Variants in SPECC1 observed in about 807,000 individuals in gnomAD.
SPECC1 encodes cytospin-B.
SPECC1 carries 62 observed loss-of-function variants against 104.1 expected under a neutral mutation model. That is an observed-to-expected ratio of 0.60 (90% CI 0.49 to 0.74). The LOEUF (loss-of-function observed/expected upper bound fraction) is 0.74, where lower values mean the gene tolerates loss of function less well. Among genes scored for constraint, SPECC1 ranks in the 30% least tolerant of loss-of-function variants. The pLI, the probability that SPECC1 is intolerant of heterozygous loss-of-function variation, is 0.00. For missense variants in SPECC1, 1,306 were observed against 1,310.5 expected (o/e 1.00, Z 0.05); for synonymous variants, 513 against 501.6 (o/e 1.02, Z -0.30).
At position 20,034,095 on chromosome 17, in the gene SPECC1, C is replaced by CT. The variant is rs34012755; in HGVS notation, c.-22+24685dup. Among the ~76,000 whole-genome samples the CT allele has an allele frequency of 1.7e-3, 249 of 144,854 alleles. 3 individuals are homozygous for CT. In the South Asian group the frequency reaches 0.025, roughly 14 times the overall value. ...GTTTCTAAAGTAAGCGTTTGATATT[C>CT]TTTTTTTTTTTTTTCTTTTGAGACG... On this transcript the variant is annotated intron_variant, in intron 1 of 14. Transcript: ENST00000395527.
At chr17:20,235,795 G>GAAAC (rs1457300653) in intron 7 of SPECC1, among the ~76,000 whole-genome samples, 166 of 152,344 alleles carry the variant, frequency 1.1e-3, no homozygotes, top group Non-Finnish European at 1.7e-3. Context: ...CCTAATTAAT[G>GAAAC]CTGTTGGTTT....
intron 3 of SPECC1, among the ~76,000 whole-genome samples, chr17:20,178,405 G>A (rs1188138795): frequency 6.6e-6 from 1 of 152,112 alleles, no homozygotes; most frequent in Non-Finnish European, 1.5e-5. Flanking sequence ...TGATTTGTGT[G>A]GGTGCCAAGG....
chr17:20,041,662 C>T (rs1391591083), intron 1 of SPECC1, among the ~76,000 whole-genome samples: 2 of 99,834 alleles, frequency 2.0e-5, no homozygotes, highest in African/African-American at 7.3e-5. Flanking sequence ...AAGTCTTGCT[C>T]TGTTGCCCAG....
At chr17:20,090,792 T>A (rs2047371912) in intron 1 of SPECC1, among the ~76,000 whole-genome samples, 1 of 152,186 alleles carries the variant, frequency 6.6e-6, no homozygotes, top group East Asian at 1.9e-4. Flanking sequence ...GATTGTGAGC[T>A]CTTGGTCTCA....
intron 1 of SPECC1, among the ~76,000 whole-genome samples, chr17:20,047,228 G>A (rs775249876): frequency 7.2e-5 from 11 of 152,098 alleles, no homozygotes; most frequent in African/African-American, 2.7e-4. Context: ...TAAATAATGC[G>A]TGACATTCTA....
chr17:20,237,040 G>A (rs1051257734), intron 7 of SPECC1: 53 of 1,493,310 alleles, frequency 3.5e-5, no homozygotes, highest in Middle Eastern at 2.3e-4. Context: ...AGTCATTGCC[G>A]TCGAGTCTCT....
At chr17:20,285,963 A>G (rs2040930335) in intron 12 of SPECC1, among the ~76,000 whole-genome samples, 2 of 151,824 alleles carry the variant, frequency 1.3e-5, no homozygotes, top group South Asian at 2.1e-4. Flanking sequence ...ATAGGCATGC[A>G]CTATCATGCC....
chr17:20,076,580 A>G (rs1177275443), intron 1 of SPECC1, among the ~76,000 whole-genome samples: 1 of 152,196 alleles, frequency 6.6e-6, no homozygotes, highest in Non-Finnish European at 1.5e-5. Context: ...CCTGTTTTTT[A>G]AAATTAGGTT....
At chr17:20,171,294 C>T (rs2034070681) in intron 3 of SPECC1, among the ~76,000 whole-genome samples, 1 of 152,152 alleles carries the variant, frequency 6.6e-6, no homozygotes, top group African/African-American at 2.4e-5. Context: ...GTTCCTCCTG[C>T]ACAACTTCCC....
chr17:20,137,352 C>G (rs1010210226), intron 3 of SPECC1, among the ~76,000 whole-genome samples: 2 of 152,246 alleles, frequency 1.3e-5, no homozygotes, highest in Admixed American at 6.5e-5. Flanking sequence ...TGCTTAGTGT[C>G]TCTCAGCTGG....
At chr17:20,203,606 T>C (rs774016793) in intron 3 of SPECC1, among the ~76,000 whole-genome samples, 6 of 152,240 alleles carry the variant, frequency 3.9e-5, no homozygotes, top group Non-Finnish European at 8.8e-5. Flanking sequence ...GATCCATCTC[T>C]CAGTATTATC....
At position 20,185,370 on chromosome 17, in the gene SPECC1, C is replaced by T. The variant is rs142330165; in HGVS notation, c.284-18963C>T. Reference sequence around the variant, plus strand: ...AGGCTGTGCAGGCCCCTCTTGTTTGCGGGGGCACTTGTGCTTGGAGCCGTG... The same window carrying T: ...AGGCTGTGCAGGCCCCTCTTGTTTGTGGGGGCACTTGTGCTTGGAGCCGTG... On this transcript the variant is annotated intron_variant, in intron 3 of 14. Coordinates refer to ENST00000395527, the MANE Select transcript of SPECC1 (RefSeq NM_001243439.2). Among the ~76,000 whole-genome samples, 586 of 152,272 alleles carry T rather than the reference C, an allele frequency of 3.8e-3. 2 individuals are homozygous for T. Among genetic ancestry groups the T allele is most frequent in the African/African-American group, 0.012 (511 of 41,550 alleles).
At position 20,124,126 on chromosome 17, in the gene SPECC1, T is replaced by A. The variant is rs562260177; in HGVS notation, c.283+13564T>A. ...AAGGAGGAGGGCCATGAGCCAGGGATGTCAGGGAATGGGGAGAATGGGGTG... is the reference window on the plus strand; with the variant it reads ...AAGGAGGAGGGCCATGAGCCAGGGAAGTCAGGGAATGGGGAGAATGGGGTG... On this transcript the variant is annotated intron_variant, in intron 3 of 14. Transcript: ENST00000395527. Among the ~76,000 whole-genome samples the A allele has an allele frequency of 2.6e-5, 4 of 151,686 alleles. No individual in the cohort carries two copies. In the South Asian group the frequency reaches 6.3e-4, roughly 24 times the overall value.
chr17:20,035,982 A>G (rs7217387), intron 1 of SPECC1, among the ~76,000 whole-genome samples: 6 of 151,320 alleles, frequency 4.0e-5, no homozygotes, highest in Admixed American at 3.3e-4. Flanking sequence ...TGGCTAATTT[A>G]TATATTTTTT....
At chr17:20,036,868 C>T (rs1308883606) in intron 1 of SPECC1, among the ~76,000 whole-genome samples, 3 of 152,214 alleles carry the variant, frequency 2.0e-5, no homozygotes, top group Non-Finnish European at 4.4e-5. Context: ...TGAGAGTGAA[C>T]ATCCTTGCTT....
intron 1 of SPECC1, among the ~76,000 whole-genome samples, chr17:20,058,792 T>C (rs1393135681): frequency 6.6e-6 from 1 of 152,002 alleles, no homozygotes; most frequent in Non-Finnish European, 1.5e-5. Flanking sequence ...GGGGATTGTT[T>C]TGGAATGATT....
intron 1 of SPECC1, among the ~76,000 whole-genome samples, chr17:20,043,295 T>C (rs997418901): frequency 2.6e-5 from 4 of 152,180 alleles, no homozygotes; most frequent in African/African-American, 9.7e-5. Flanking sequence ...TAATAAATTA[T>C]CTGTGGTGTG....
At chr17:20,076,815 C>T (rs2046777351) in intron 1 of SPECC1, among the ~76,000 whole-genome samples, 1 of 152,062 alleles carries the variant, frequency 6.6e-6, no homozygotes, top group African/African-American at 2.4e-5. Context: ...ATCCATTCCA[C>T]CAGCTGACAG....
chr17:20,177,073 AG>A (rs1458282963), intron 3 of SPECC1, among the ~76,000 whole-genome samples: 2 of 152,220 alleles, frequency 1.3e-5, no homozygotes, highest in African/African-American at 4.8e-5. Flanking sequence ...GTTTGATAGA[AG>A]AGAGATGTTT....
Sources: allele counts gnomAD v4.1 joint callset (sites outside exome capture counted in the v4.1 genomes callset), GRCh38; gene constraint gnomAD v4.1.1; transcripts MANE v1.5; gene names NCBI Gene and HGNC (gene_info 2026-07-23, HGNC 2026-07-21).